The following TPO variants were observed in gnomAD, a reference collection of about 807,000 sequenced individuals.
The protein encoded by TPO is thyroid microsomal antigen.
TPO carries 78 observed loss-of-function variants against 96.9 expected under a neutral mutation model. The observed-to-expected ratio is 0.81, with a 90% CI of 0.67 to 0.97. TPO has a LOEUF of 0.97. TPO is among the 50% of genes least tolerant of loss of function. The probability of loss-of-function intolerance (pLI) is 0.00; values close to 1 mark genes in which losing one functional copy is unlikely to be tolerated. For missense variants in TPO, 1,252 were observed against 1,274.8 expected, an observed-to-expected ratio of 0.98 and a Z score of 0.27; for synonymous variants, 547 against 538.0, an observed-to-expected ratio of 1.02 and a Z score of -0.23.
In TPO at chr2:1,435,036, C is replaced by T. The variant is rs28909380; in HGVS notation, c.350-1216C>T. On this transcript the variant is annotated intron_variant, in intron 4 of 16. Transcript: ENST00000329066. The stretch of plus-strand genomic sequence containing the variant: ...GCAAGCTCCGCCTCCCAGGTTCACG[C>T]CATTCTCCTGCCTCAGCCTCCTGAG... Among the ~76,000 whole-genome samples, 1,458 of 152,286 alleles carry T rather than the reference C, an allele frequency of 9.6e-3. 14 individuals are homozygous for T. The highest frequency in any genetic ancestry group is 0.033 in the African/African-American group (1,382 of 41,558).
intron 13 of TPO, among the ~76,000 whole-genome samples, chr2:1,502,395 T>C (rs28912991): frequency 0.011 from 1,745 of 152,298 alleles, 34 homozygotes; most frequent in African/African-American, 0.04. Flanking sequence ...CTTATACTTC[T>C]TTTTATTTTT....
At chr2:1,385,783 C>T (rs1661884534) in intron 1 of TPO, among the ~76,000 whole-genome samples, 1 of 152,100 alleles carries the variant, frequency 6.6e-6, no homozygotes, top group Non-Finnish European at 1.5e-5. Flanking sequence ...TCTTGCTTCT[C>T]TAGTTCTTTT....
intron 1 of TPO, among the ~76,000 whole-genome samples, chr2:1,390,052 G>A (rs1661976739): frequency 6.6e-6 from 1 of 150,870 alleles, no homozygotes; most frequent in South Asian, 2.1e-4. Context: ...TAAGTTCTAG[G>A]GTACACATGC....
At chr2:1,422,934 G>A in intron 2 of TPO, 111 bp from the exon 3 acceptor site, 1 of 1,206,446 alleles carries the variant, frequency 8.3e-7, no homozygotes, top group Non-Finnish European at 1.2e-6. Flanking sequence ...GCCTGTCCCG[G>A]AAGCCACGTG....
At chr2:1,458,500 A>G (rs1350149558) in intron 7 of TPO, among the ~76,000 whole-genome samples, 1 of 151,310 alleles carries the variant, frequency 6.6e-6, no homozygotes, top group African/African-American at 2.4e-5. Context: ...CATATAAGAC[A>G]GTTTGTGGGC....
intron 15 of TPO, among the ~76,000 whole-genome samples, chr2:1,520,629 T>G (rs1675161336): frequency 6.6e-6 from 1 of 152,252 alleles, no homozygotes; most frequent in South Asian, 2.1e-4. Flanking sequence ...CGGAGTTAAC[T>G]CCATGAAACC....
chr2:1,519,900 A>C (rs1351225424), intron 15 of TPO, among the ~76,000 whole-genome samples: 1 of 152,228 alleles, frequency 6.6e-6, no homozygotes, highest in Admixed American at 6.5e-5. Flanking sequence ...CCATAGATGA[A>C]ATGAATACCT....
At chr2:1,539,088 C>CCTTA (rs968616757) in intron 15 of TPO, among the ~76,000 whole-genome samples, 6 of 152,194 alleles carry the variant, frequency 3.9e-5, no homozygotes, top group Admixed American at 3.3e-4. Flanking sequence ...CTGAAAAAAA[C>CCTTA]CTTACTTCCA....
At chr2:1,495,861 G>A (rs574433630) in intron 11 of TPO, 128 bp from the exon 12 acceptor site, 63 of 1,062,972 alleles carry the variant, frequency 5.9e-5, no homozygotes, top group Non-Finnish European at 8.5e-5. Context: ...GTGGCCCCGG[G>A]TGCTGGGGGT....
chr2:1,472,822 G>A (rs1471988397), intron 7 of TPO, among the ~76,000 whole-genome samples: 1 of 54,138 alleles, frequency 1.8e-5, no homozygotes, highest in Non-Finnish European at 3.8e-5. Flanking sequence ...CTGCTTGTTT[G>A]GCGGCAAAAA....
At chr2:1,452,637 A>G (rs984298600) in intron 5 of TPO, among the ~76,000 whole-genome samples, 1 of 152,256 alleles carries the variant, frequency 6.6e-6, no homozygotes, top group African/African-American at 2.4e-5. Flanking sequence ...CTTCTGAGAT[A>G]TAGAAGAAAA....
rs550789408 is a variant in TPO at position 1,375,380 on chromosome 2, A to G, written n.180+978A>G. ...TTAGAAGTTTATGTTGCTAAGATTG[A>G]GAATGTGCCCGGAAAAAACAAACAC... is the stretch of plus-strand genomic sequence containing the variant. On this transcript the variant is annotated intron_variant and non_coding_transcript_variant, in intron 1 of 5. Coordinates refer to the TPO transcript ENST00000497517. Among the ~76,000 whole-genome samples the G allele has an allele frequency of 1.1e-4, 17 of 152,262 alleles. No homozygotes were observed. In the South Asian group the frequency reaches 3.3e-3, roughly 30 times the overall value.
intron 14 of TPO, 25 bp downstream of exon 14, chr2:1,504,104 G>C (rs748402943): frequency 3.1e-6 from 5 of 1,613,562 alleles, no homozygotes; most frequent in Non-Finnish European, 3.4e-6. Context: ...CTCTCTCTCT[G>C]TCCGTCCATT....
intron 9 of TPO, among the ~76,000 whole-genome samples, chr2:1,485,874 T>C (rs768844696): frequency 9.9e-5 from 15 of 152,228 alleles, no homozygotes; most frequent in Non-Finnish European, 1.6e-4. Context: ...ACTCTGATAG[T>C]GGTTTCTATT....
At chr2:1,392,962 GAGTCATAT>G (rs564737905) in intron 1 of TPO, among the ~76,000 whole-genome samples, 2 of 152,162 alleles carry the variant, frequency 1.3e-5, no homozygotes, top group Non-Finnish European at 2.9e-5. Context: ...AGTGTGTAAA[GAGTCATAT>G]AGACTCTTTG....
At chr2:1,518,059 G>A (rs1674891437) in intron 15 of TPO, among the ~76,000 whole-genome samples, 1 of 152,050 alleles carries the variant, frequency 6.6e-6, no homozygotes, top group African/African-American at 2.4e-5. Context: ...CACTGGCGGA[G>A]CCCCCAGCAC....
intron 15 of TPO, among the ~76,000 whole-genome samples, chr2:1,535,752 ACT>A (rs1449579944): frequency 2.6e-5 from 1 of 38,368 alleles, no homozygotes; most frequent in African/African-American, 9.8e-5. Flanking sequence ...AAATCCCCCC[ACT>A]CTGTGCAACC....
chr2:1,471,524 T>C (rs1318016310), intron 7 of TPO, among the ~76,000 whole-genome samples: 1 of 151,958 alleles, frequency 6.6e-6, no homozygotes, highest in African/African-American at 2.4e-5. Flanking sequence ...ATTTCTTACA[T>C]TAAACTTGAG....
chr2:1,520,954 G>A (rs942137068), intron 15 of TPO, among the ~76,000 whole-genome samples: 5 of 152,172 alleles, frequency 3.3e-5, no homozygotes, highest in African/African-American at 9.7e-5. Context: ...TAAATGTGCA[G>A]TTCCAGTCCT....
Sources: allele counts gnomAD v4.1 joint callset (sites outside exome capture counted in the v4.1 genomes callset), GRCh38; gene constraint gnomAD v4.1.1; transcripts MANE v1.5; gene names NCBI Gene and HGNC (gene_info 2026-07-23, HGNC 2026-07-21).